The following BMERB1 variants were observed in gnomAD, a reference collection of about 807,000 sequenced individuals.
BMERB1 encodes the protein bMERB domain containing 1.
A neutral mutation model predicts 23.6 loss-of-function variants in BMERB1; 12 were observed. The observed-to-expected ratio is 0.51, with a 90% CI of 0.33 to 0.82. The LOEUF is 0.82. Among genes scored for constraint, BMERB1 ranks in the 40% least tolerant of loss-of-function variants. The pLI is 0.03. For missense variants in BMERB1, 247 were observed against 255.4 expected, an observed-to-expected ratio of 0.97 and a Z score of 0.22; for synonymous variants, 122 against 96.6, an observed-to-expected ratio of 1.26 and a Z score of -1.54.
intron 5 of BMERB1, among the ~76,000 whole-genome samples, chr16:15,584,583 A>G (rs2031096425): frequency 6.6e-6 from 1 of 152,010 alleles, no homozygotes; most frequent in Non-Finnish European, 1.5e-5. Context: ...AAAGAAAGAA[A>G]AGAAATGGAT....
intron 1 of BMERB1, among the ~76,000 whole-genome samples, chr16:15,438,463 T>A (rs1363070421): frequency 4.4e-5 from 5 of 113,380 alleles, no homozygotes; most frequent in African/African-American, 1.5e-4. Context: ...TTTTCTAGAC[T>A]ATTTTTTTTT....
chr16:15,448,260 A>T (rs1338185468), intron 1 of BMERB1, among the ~76,000 whole-genome samples: 3 of 152,112 alleles, frequency 2.0e-5, no homozygotes, highest in African/African-American at 7.2e-5. Flanking sequence ...GGCCCTGGGG[A>T]TAAGAAGGTC....
intron 1 of BMERB1, among the ~76,000 whole-genome samples, chr16:15,498,448 C>T (rs2051496315): frequency 6.6e-6 from 1 of 151,992 alleles, no homozygotes; most frequent in Admixed American, 6.6e-5. Flanking sequence ...TGCTTGAGCC[C>T]AGAAGCTTGA....
intron 1 of BMERB1, among the ~76,000 whole-genome samples, chr16:15,501,782 T>C (rs1465570633): frequency 1.3e-5 from 2 of 152,146 alleles, no homozygotes; most frequent in African/African-American, 2.4e-5. Flanking sequence ...CTGCCACGGC[T>C]AATTTTTATA....
In BMERB1 at chr16:15,515,315, C is replaced by T. The variant is rs1371890443; in HGVS notation, c.117C>T (p.Asp39=). The change falls in exon 2 of 6, where the codon GAC becomes GAT. Residue 39 remains aspartate, a synonymous_variant. Transcript: ENST00000300006. ...CTGTCTCCTGCACAGATCAGCTGGA[C>T]ATCATCTCCATGGCGGAGACAACCA... ...KTERLGRNQL[D]IISMAETTMM... 1.9e-6 allele frequency: 3 copies of T among 1,613,540 alleles called. No individual in the cohort carries two copies. The highest frequency in any genetic ancestry group is 3.3e-5 in the Admixed American group (2 of 60,002).
chr16:15,583,917 T>C (rs1318184528), intron 5 of BMERB1: 8 of 682,710 alleles, frequency 1.2e-5, no homozygotes, highest in Non-Finnish European at 2.1e-5. Context: ...CTGGTCCTGG[T>C]AGTTGTTCCT....
chr16:15,513,519 A>G (rs967923533), intron 1 of BMERB1, among the ~76,000 whole-genome samples: 2 of 152,232 alleles, frequency 1.3e-5, no homozygotes, highest in African/African-American at 4.8e-5. Context: ...ATGTATATGC[A>G]TATAATAGTA....
chr16:15,508,828 C>CAAAAAA (rs1181215065), intron 1 of BMERB1, among the ~76,000 whole-genome samples: 1 of 56,056 alleles, frequency 1.8e-5, no homozygotes, highest in African/African-American at 6.3e-5. Flanking sequence ...CCTGCCCCAC[C>CAAAAAA]AAAAAAAAAA....
intron 2 of BMERB1, among the ~76,000 whole-genome samples, chr16:15,523,166 G>C (rs1040920405): frequency 3.3e-5 from 5 of 152,122 alleles, no homozygotes; most frequent in Non-Finnish European, 1.5e-5. Context: ...ACTTTGTTCC[G>C]CCAGTAGATG....
intron 3 of BMERB1, among the ~76,000 whole-genome samples, chr16:15,578,121 A>G (rs1223904301): frequency 2.0e-5 from 3 of 152,136 alleles, no homozygotes; most frequent in African/African-American, 7.2e-5. Context: ...CTCTAACAGT[A>G]ACACACACAA....
Position 15,568,064 on chromosome 16 carries a change from T to A in BMERB1, c.304+8T>A. 5 of 1,613,580 alleles carry A rather than the reference T, an allele frequency of 3.1e-6. No homozygotes were observed. The highest frequency in any genetic ancestry group is 3.4e-6 in the Non-Finnish European group (4 of 1,179,710). Reference sequence around the variant, plus strand: ...ACTTGGTCGCCATCCCAGGTAACCATTTGCAACTTCACCTTGTGCTAAACA... The same window carrying A: ...ACTTGGTCGCCATCCCAGGTAACCAATTGCAACTTCACCTTGTGCTAAACA... On this transcript the variant is annotated splice_region_variant and intron_variant, in intron 3 of 5. Transcript: ENST00000300006.
Position 15,435,548 on chromosome 16 carries a change from T to C in BMERB1, c.106+789T>C, listed in dbSNP as rs549702210. Among the ~76,000 whole-genome samples, 536 of 152,302 alleles carry C rather than the reference T, an allele frequency of 3.5e-3. 4 individuals carry two copies. Among genetic ancestry groups the C allele is most frequent in the African/African-American group, 0.012 (508 of 41,570 alleles). On this transcript the variant is annotated intron_variant, in intron 1 of 5. Transcript: ENST00000300006. The stretch of plus-strand genomic sequence containing the variant: ...GGGCTCCAGGGTCACTGGAGGTCCC[T>C]GCAAACCCGGGGGCTCCCCAAAGCC...
chr16:15,572,319 G>T (rs1895952030), intron 3 of BMERB1, among the ~76,000 whole-genome samples: 1 of 152,202 alleles, frequency 6.6e-6, no homozygotes, highest in African/African-American at 2.4e-5. Flanking sequence ...TGTTGTAAGG[G>T]TAGTGTGCGC....
intron 1 of BMERB1, chr16:15,502,265 A>G (rs1463815201): frequency 6.5e-7 from 1 of 1,549,742 alleles, no homozygotes; most frequent in East Asian, 2.4e-5. Flanking sequence ...CCACTGGAGA[A>G]TAACAATCAT....
At position 15,438,148 on chromosome 16, in the gene BMERB1, A is replaced by C. The variant is rs528591049; in HGVS notation, c.106+3389A>C. Among the ~76,000 whole-genome samples, 8 of 151,450 alleles carry C rather than the reference A, an allele frequency of 5.3e-5. No homozygotes were observed. The East Asian group carries it at 1.6e-3, about 30-fold the overall frequency. ...GTCCCCCAGGCTGGAGTGCAGTGGC[A>C]TGATCTCAGCTCACTGCAACCTCCG... On this transcript the variant is annotated intron_variant, in intron 1 of 5. Coordinates refer to ENST00000300006, the MANE Select transcript of BMERB1 (RefSeq NM_033201.3).
chr16:15,518,007 G>A (rs1373416587), intron 2 of BMERB1, among the ~76,000 whole-genome samples: 1 of 151,746 alleles, frequency 6.6e-6, no homozygotes, highest in African/African-American at 2.4e-5. Flanking sequence ...GTGGATGTGT[G>A]TGTGGGTGTG....
At position 15,450,681 on chromosome 16, in the gene BMERB1, G is replaced by A. The variant is rs574598997; in HGVS notation, c.106+15922G>A. On this transcript the variant is annotated intron_variant, in intron 1 of 5. Transcript: ENST00000300006. ...AGATGGGGTTTTACCATGTTGTTGA[G>A]GCTGATCTCGAACTCCTGGGTTCAC... 1.5e-3 allele frequency among the ~76,000 whole-genome samples: 229 copies of A among 152,056 alleles called. 2 individuals carry two copies. The highest frequency in any genetic ancestry group is 2.0e-3 in the Non-Finnish European group (135 of 68,026).
chr16:15,581,415 G>A, intron 4 of BMERB1, 84 bp downstream of exon 4: 1 of 1,133,516 alleles, frequency 8.8e-7, no homozygotes, highest in East Asian at 2.5e-5. Context: ...CTGCTCCTGG[G>A]ACTCACAGCC....
rs529803724 is a variant in BMERB1, at chr16:15,530,193, C to G, written c.230+14765C>G. Reference sequence around the variant, plus strand: ...GTTTTTCTCTTAAATGTATGCCTAGCATTCCATTATTGGAACACTAAGCAT... The same window carrying G: ...GTTTTTCTCTTAAATGTATGCCTAGGATTCCATTATTGGAACACTAAGCAT... On this transcript the variant is annotated intron_variant, in intron 2 of 5. Transcript: ENST00000300006. 4.6e-4 allele frequency among the ~76,000 whole-genome samples: 70 copies of G among 152,294 alleles called. 1 individual carries two copies. In the South Asian group the frequency reaches 6.0e-3, roughly 13 times the overall value.
Sources: gnomAD v4.1 joint callset for allele counts (sites outside exome capture counted in the v4.1 genomes callset) on GRCh38, gnomAD v4.1.1 for gene constraint, MANE v1.5 for transcripts, NCBI Gene and HGNC (gene_info 2026-07-23, HGNC 2026-07-21) for gene names.